The following DGKI variants were observed in gnomAD, a reference collection of about 807,000 sequenced individuals.
DGKI encodes the protein DAG kinase iota.
Under a neutral mutation model 147.5 loss-of-function variants are expected in DGKI, and 55 were observed. The observed-to-expected ratio is 0.37, with a 90% CI of 0.30 to 0.47. The LOEUF (loss-of-function observed/expected upper bound fraction) is 0.47, where lower values mean the gene tolerates loss of function less well. Among genes scored for constraint, DGKI ranks in the 20% least tolerant of loss-of-function variants. The pLI, the probability that DGKI is intolerant of heterozygous loss-of-function variation, is 1.00. For missense variants in DGKI, 1,007 were observed against 1,323.8 expected (o/e 0.76, Z 3.71); for synonymous variants, 469 against 477.1 (o/e 0.98, Z 0.22).
intron 1 of DGKI, among the ~76,000 whole-genome samples, chr7:137,696,998 A>C (rs896294018): frequency 2.6e-5 from 4 of 152,170 alleles, no homozygotes; most frequent in African/African-American, 9.7e-5. Context: ...GCCAAGGAAC[A>C]CTGAAGATTG....
intron 3 of DGKI, among the ~76,000 whole-genome samples, chr7:137,663,379 G>T (rs1311750798): frequency 6.6e-6 from 1 of 152,140 alleles, no homozygotes; most frequent in African/African-American, 2.4e-5. Context: ...AGTAAAAAGG[G>T]TCTAGCAGAG....
chr7:137,625,831 A>G (rs1238874239), intron 6 of DGKI, among the ~76,000 whole-genome samples: 1 of 152,154 alleles, frequency 6.6e-6, no homozygotes, highest in African/African-American at 2.4e-5. Flanking sequence ...ATTATGTGCA[A>G]TGCAGAGACC....
intron 19 of DGKI, among the ~76,000 whole-genome samples, chr7:137,555,465 G>A (rs114959691): frequency 0.11 from 16,513 of 151,818 alleles, 2,001 homozygotes; most frequent in African/African-American, 0.3. Flanking sequence ...GGTCAAGGCC[G>A]CAGTGAGCTA....
At chr7:137,645,246 T>A (rs1202180751) in intron 6 of DGKI, among the ~76,000 whole-genome samples, 1 of 152,228 alleles carries the variant, frequency 6.6e-6, no homozygotes, top group Non-Finnish European at 1.5e-5. Flanking sequence ...TAAGAATGCA[T>A]CCAGGTATCT....
chr7:137,736,168 A>G (rs552288572), intron 1 of DGKI, among the ~76,000 whole-genome samples: 3 of 152,306 alleles, frequency 2.0e-5, no homozygotes, highest in East Asian at 3.9e-4. Context: ...GAGAAATTTC[A>G]GAGAAGATGT....
chr7:137,553,183 T>C (rs1818111537), intron 19 of DGKI, among the ~76,000 whole-genome samples: 1 of 152,232 alleles, frequency 6.6e-6, no homozygotes, highest in Non-Finnish European at 1.5e-5. Context: ...GTGTTATCTA[T>C]TCTCATTAAA....
At chr7:137,565,625 T>C (rs916082214) in intron 19 of DGKI, among the ~76,000 whole-genome samples, 78 of 152,310 alleles carry the variant, frequency 5.1e-4, no homozygotes, top group Non-Finnish European at 6.3e-4. Context: ...AATCTTTGGA[T>C]TTCATACTGA....
chr7:137,588,475 C>CTTTTTT (rs71533759), intron 12 of DGKI, among the ~76,000 whole-genome samples: 5 of 116,722 alleles, frequency 4.3e-5, no homozygotes, highest in African/African-American at 7.3e-5. Context: ...CATACCGATG[C>CTTTTTT]TTTTTTTTTT....
intron 1 of DGKI, among the ~76,000 whole-genome samples, chr7:137,728,800 T>C (rs910610798): frequency 6.6e-6 from 1 of 152,184 alleles, no homozygotes; most frequent in African/African-American, 2.4e-5. Context: ...TTTAATCACA[T>C]GAAAGTTAAA....
chr7:137,664,414 A>G (rs545097726), intron 3 of DGKI, among the ~76,000 whole-genome samples: 51 of 151,918 alleles, frequency 3.4e-4, no homozygotes, highest in African/African-American at 1.2e-3. Flanking sequence ...AAAGAAAGAA[A>G]AAAAAGGAAA....
At chr7:137,397,435 T>C (rs773770315) in intron 30 of DGKI, 22 bp from the exon 31 acceptor site, 22 of 1,609,282 alleles carry the variant, frequency 1.4e-5, no homozygotes, top group Non-Finnish European at 1.9e-5. Flanking sequence ...GAAAGCAAGA[T>C]GACCGTCAAA....
At chr7:137,481,101 G>A (rs559078071) in intron 23 of DGKI, among the ~76,000 whole-genome samples, 1 of 152,198 alleles carries the variant, frequency 6.6e-6, no homozygotes, top group South Asian at 2.1e-4. Flanking sequence ...ATTTGGGGCT[G>A]GATAATTCTT....
chr7:137,773,952 G>A (rs1312891509), intron 1 of DGKI, among the ~76,000 whole-genome samples: 1 of 152,178 alleles, frequency 6.6e-6, no homozygotes, highest in Non-Finnish European at 1.5e-5. Context: ...TCACAACAAG[G>A]TGGATGTCTA....
At chr7:137,716,785 C>T (rs1158452691) in intron 1 of DGKI, among the ~76,000 whole-genome samples, 2 of 152,234 alleles carry the variant, frequency 1.3e-5, no homozygotes, top group African/African-American at 4.8e-5. Flanking sequence ...CTCTCTGCTC[C>T]TATTTAAACA....
chr7:137,664,193 G>A (rs532855177), intron 3 of DGKI, among the ~76,000 whole-genome samples: 8 of 151,996 alleles, frequency 5.3e-5, no homozygotes, highest in South Asian at 2.1e-4. Context: ...CCTGGCCAAC[G>A]TGTCAAAAGC....
intron 27 of DGKI, among the ~76,000 whole-genome samples, chr7:137,445,108 T>C (rs1469543952): frequency 6.6e-6 from 1 of 152,178 alleles, no homozygotes; most frequent in African/African-American, 2.4e-5. Context: ...TTATGAGACA[T>C]GAAGATAAAC....
chr7:137,590,846 C>T (rs1013969298), intron 12 of DGKI, among the ~76,000 whole-genome samples: 3 of 152,184 alleles, frequency 2.0e-5, no homozygotes, highest in Non-Finnish European at 2.9e-5. Context: ...GTGCAAGTCA[C>T]CACACCAGGC....
At position 137,782,828 on chromosome 7, in the gene DGKI, C is replaced by A. The variant is rs150975144; in HGVS notation, c.401+63634G>T. ...ATCACATCACAGGACTCATTGCAGA[C>A]ACTCTCCAGTACCAGCTCAGAGCTC... On this transcript the variant is annotated intron_variant, in intron 1 of 32. Transcript: ENST00000614521. Among the ~76,000 whole-genome samples the A allele has an allele frequency of 1.5e-3, 232 of 152,332 alleles. 2 individuals are homozygous for A. Among genetic ancestry groups the A allele is most frequent in the African/African-American group, 5.4e-3 (223 of 41,574 alleles).
chr7:137,658,593 G>A (rs1271844178), intron 3 of DGKI, among the ~76,000 whole-genome samples: 4 of 152,174 alleles, frequency 2.6e-5, no homozygotes, highest in Admixed American at 6.5e-5. Flanking sequence ...GTCTAGCTTC[G>A]TGCTTGACAC....
Sources: gnomAD v4.1 joint callset for allele counts (sites outside exome capture counted in the v4.1 genomes callset) on GRCh38, gnomAD v4.1.1 for gene constraint, MANE v1.5 for transcripts, NCBI Gene and HGNC (gene_info 2026-07-23, HGNC 2026-07-21) for gene names.